Variants in TM9SF2 observed in about 807,000 individuals in gnomAD.
The protein encoded by TM9SF2 is 76 kDa membrane protein.
Under a neutral mutation model 84.9 loss-of-function variants are expected in TM9SF2, and 13 were observed. The observed-to-expected ratio is 0.15, with a 90% confidence interval of 0.10 to 0.24. TM9SF2 has a LOEUF of 0.24. Ranked by LOEUF, TM9SF2 falls within the 10% of genes least tolerant of loss-of-function variation. The pLI is 1.00. For missense variants in TM9SF2, 562 were observed against 818.5 expected, an observed-to-expected ratio of 0.69 and a Z score of 3.82; for synonymous variants, 273 against 285.8, an observed-to-expected ratio of 0.96 and a Z score of 0.45.
rs2046322336 is a variant in TM9SF2 at position 99,555,659 on chromosome 13, C to T, written c.1752+12C>T. 1.3e-6 allele frequency: 2 copies of T among 1,566,818 alleles called. No homozygotes were observed. The highest frequency in any genetic ancestry group is 1.8e-6 in the Non-Finnish European group (2 of 1,141,184). On this transcript the variant is annotated intron_variant, in intron 15 of 16. Transcript: ENST00000376387. ...ACCTATGTGCAGAGGTATGTATTAGCAGTATTCACTTATGTTAATTTGTAG... is the reference window on the plus strand; with the variant it reads ...ACCTATGTGCAGAGGTATGTATTAGTAGTATTCACTTATGTTAATTTGTAG...
rs187973362 is a variant in TM9SF2, at chr13:99,556,066, A to G, written c.1752+419A>G. ...TAAGAAAATTCATTAAAAAGTTTCT[A>G]TAATCACATTGTAATGAGTTCTATT... On this transcript the variant is annotated intron_variant, in intron 15 of 16. Coordinates refer to ENST00000376387, the MANE Select transcript of TM9SF2 (RefSeq NM_004800.3). Among the ~76,000 whole-genome samples the G allele has an allele frequency of 3.3e-5, 5 of 152,346 alleles. No individual in the cohort carries two copies. The East Asian group carries it at 7.7e-4, about 23-fold the overall frequency.
intron 16 of TM9SF2, among the ~76,000 whole-genome samples, chr13:99,560,899 T>G (rs1426414093): frequency 1.3e-5 from 2 of 152,144 alleles, no homozygotes; most frequent in Non-Finnish European, 2.9e-5. Context: ...GCCAGGATGG[T>G]CTCGAACCCC....
chr13:99,559,610 T>A (rs2046336544), intron 16 of TM9SF2, 76 bp downstream of exon 16: 7 of 1,371,514 alleles, frequency 5.1e-6, no homozygotes, highest in Non-Finnish European at 3.9e-6. Flanking sequence ...TTGTCTTTTT[T>A]AAAACCCATG....
Position 99,501,501 on chromosome 13 carries a change from C to A in TM9SF2, c.-106C>A, listed in dbSNP as rs925968291. 2.5e-5 allele frequency: 35 copies of A among 1,417,422 alleles called. No homozygotes were observed. Among genetic ancestry groups the A allele is most frequent in the African/African-American group, 7.3e-5 (5 of 68,810 alleles). The allele number at this position is 1,417,422 out of a possible 1,614,324, so 87.8% of individuals were successfully genotyped here. On this transcript the variant is annotated 5_prime_UTR_variant, in exon 1 of 17. Coordinates refer to ENST00000376387, the MANE Select transcript of TM9SF2 (RefSeq NM_004800.3). Reference sequence around the variant, plus strand: ...CAACCGGAACTAGCCTTCTGGGGGCCGGCTTCCTTTATCTCTGGCGGCCTT... The same window carrying A: ...CAACCGGAACTAGCCTTCTGGGGGCAGGCTTCCTTTATCTCTGGCGGCCTT...
chr13:99,535,662 C>T lies in TM9SF2; in HGVS notation c.462-946C>T, dbSNP rs748492837. Among the ~76,000 whole-genome samples, 11 of 152,172 alleles carry T rather than the reference C, an allele frequency of 7.2e-5. No homozygotes were observed. In the East Asian group the frequency reaches 7.7e-4, roughly 11 times the overall value. On this transcript the variant is annotated intron_variant, in intron 4 of 16. Coordinates refer to ENST00000376387, the MANE Select transcript of TM9SF2 (RefSeq NM_004800.3). ...CATGTTTTATTAGGTCATTAAGGTA[C>T]ACCTTGGGTGAATATAGAATCATAA...
chr13:99,508,189 A>G (rs996146024), intron 1 of TM9SF2, among the ~76,000 whole-genome samples: 1 of 152,176 alleles, frequency 6.6e-6, no homozygotes, highest in African/African-American at 2.4e-5. Context: ...AAAATGTTTC[A>G]TGTTGTCAAA....
intron 6 of TM9SF2, among the ~76,000 whole-genome samples, chr13:99,538,483 A>G (rs914419818): frequency 6.6e-6 from 1 of 151,684 alleles, no homozygotes; most frequent in Non-Finnish European, 1.5e-5. Flanking sequence ...AAACTTCATC[A>G]GTATTTTTTT....
chr13:99,508,443 A>ACACACACC lies in TM9SF2; in HGVS notation c.171+6667_171+6668insACACACCC, dbSNP rs1311954976. Among the ~76,000 whole-genome samples, 446 of 147,516 alleles carry ACACACACC rather than the reference A, an allele frequency of 3.0e-3. 5 individuals are homozygous for ACACACACC. The highest frequency in any genetic ancestry group is 0.014 in the East Asian group (70 of 5,008). ...CACACACACACACACACACACACAC[A>ACACACACC]CCCCAGAGATTCAGTAGCTACTCCA... On this transcript the variant is annotated intron_variant, in intron 1 of 16. Transcript: ENST00000376387.
chr13:99,533,317 A>G (rs908475312), intron 4 of TM9SF2, among the ~76,000 whole-genome samples: 1 of 152,232 alleles, frequency 6.6e-6, no homozygotes, highest in Non-Finnish European at 1.5e-5. Flanking sequence ...TATTCTACAG[A>G]ACTAACACTA....
At chr13:99,505,613 A>G (rs1045803844) in intron 1 of TM9SF2, among the ~76,000 whole-genome samples, 1 of 152,228 alleles carries the variant, frequency 6.6e-6, no homozygotes, top group Admixed American at 6.5e-5. Context: ...TACTTTCTTA[A>G]AATCAAGGGA....
At chr13:99,503,980 C>T (rs1393481419) in intron 1 of TM9SF2, among the ~76,000 whole-genome samples, 1 of 152,192 alleles carries the variant, frequency 6.6e-6, no homozygotes, top group Non-Finnish European at 1.5e-5. Flanking sequence ...CAGCTACACT[C>T]ACATCTGGTT....
chr13:99,541,761 A>G, intron 9 of TM9SF2, 94 bp downstream of exon 9: 1 of 798,436 alleles, frequency 1.3e-6, no homozygotes, highest in South Asian at 2.3e-5. Flanking sequence ...ATCTGCTTTT[A>G]AAACATTCTT....
At chr13:99,534,050 T>G (rs1259037387) in intron 4 of TM9SF2, among the ~76,000 whole-genome samples, 1 of 152,210 alleles carries the variant, frequency 6.6e-6, no homozygotes, top group Non-Finnish European at 1.5e-5. Context: ...GCTAAGCTAT[T>G]TTGTGATTCC....
intron 10 of TM9SF2, 110 bp from the exon 11 acceptor site, chr13:99,546,875 C>T (rs778603389): frequency 4.1e-6 from 6 of 1,463,146 alleles, no homozygotes; most frequent in East Asian, 2.4e-5. Flanking sequence ...CATGGTTTTG[C>T]GTGAAGTTGT....
At chr13:99,556,792 T>C (rs2046326611) in intron 15 of TM9SF2, among the ~76,000 whole-genome samples, 1 of 152,240 alleles carries the variant, frequency 6.6e-6, no homozygotes, top group South Asian at 2.1e-4. Flanking sequence ...TTCACCATGT[T>C]AGCCAGGATG....
chr13:99,561,198 G>T (rs1282418183), intron 16 of TM9SF2, among the ~76,000 whole-genome samples: 1 of 152,108 alleles, frequency 6.6e-6, no homozygotes. Context: ...CTAAAATAGG[G>T]TATGGTCTGT....
intron 1 of TM9SF2, among the ~76,000 whole-genome samples, chr13:99,503,728 A>C (rs2046076876): frequency 1.3e-5 from 2 of 151,326 alleles, no homozygotes. Flanking sequence ...AAAAAAAAAA[A>C]AAAAGAAGAA....
At chr13:99,526,409 G>T (rs2046183735) in intron 3 of TM9SF2, among the ~76,000 whole-genome samples, 1 of 152,216 alleles carries the variant, frequency 6.6e-6, no homozygotes, top group South Asian at 2.1e-4. Flanking sequence ...ATGAAAGATG[G>T]AGATACTGTT....
At chr13:99,529,633 T>G in intron 4 of TM9SF2, 39 bp downstream of exon 4, 3 of 1,464,016 alleles carry the variant, frequency 2.0e-6, no homozygotes, top group Non-Finnish European at 2.7e-6. Context: ...GTTTATCCTT[T>G]CCATATGAAA....
Sources: gnomAD v4.1 joint callset for allele counts (sites outside exome capture counted in the v4.1 genomes callset) on GRCh38, gnomAD v4.1.1 for gene constraint, MANE v1.5 for transcripts, NCBI Gene and HGNC (gene_info 2026-07-23, HGNC 2026-07-21) for gene names.